DNAH11: variants seen among roughly 807,000 people sequenced by gnomAD.
DNAH11 encodes the protein dynein axonemal heavy chain 11.
In DNAH11, 442 loss-of-function variants were observed where a neutral mutation model predicts 526.0. That is an observed-to-expected ratio of 0.84 (90% CI 0.78 to 0.91). The LOEUF (loss-of-function observed/expected upper bound fraction) is 0.91, where lower values mean the gene tolerates loss of function less well. Among genes scored for constraint, DNAH11 ranks in the 40% least tolerant of loss-of-function variants. The pLI is 0.00. For synonymous variants in DNAH11, 2,461 were observed against 1,935.9 expected (o/e 1.27, Z -7.12); for missense variants, 6,989 against 5,448.7 (o/e 1.28, Z -8.90).
intron 9 of DNAH11, among the ~76,000 whole-genome samples, chr7:21,586,327 T>A (rs139604293): frequency 6.6e-6 from 1 of 152,338 alleles, no homozygotes; most frequent in Non-Finnish European, 1.5e-5. Flanking sequence ...CATAAGGCAA[T>A]GTTTACTTCA....
chr7:21,888,641 C>T (rs1784217883), intron 76 of DNAH11, among the ~76,000 whole-genome samples: 1 of 152,036 alleles, frequency 6.6e-6, no homozygotes, highest in Admixed American at 6.6e-5. Context: ...AGGCATGTGC[C>T]ACCACGCTGG....
chr7:21,611,024 G>C (rs182933331), intron 20 of DNAH11, among the ~76,000 whole-genome samples: 1 of 152,270 alleles, frequency 6.6e-6, no homozygotes, highest in East Asian at 1.9e-4. Context: ...TACAGAGCTG[G>C]TAAAACATTA....
intron 35 of DNAH11, among the ~76,000 whole-genome samples, chr7:21,695,335 C>T (rs56064183): frequency 0.14 from 21,268 of 152,040 alleles, 1,564 homozygotes; most frequent in East Asian, 0.21. Flanking sequence ...ACTACCTGAC[C>T]TCAAACTATG....
chr7:21,837,918 A>G (rs1445845671), intron 65 of DNAH11, among the ~76,000 whole-genome samples: 1 of 152,194 alleles, frequency 6.6e-6, no homozygotes, highest in Non-Finnish European at 1.5e-5. Context: ...CAATGTATAC[A>G]TGTATTGAAA....
intron 61 of DNAH11, among the ~76,000 whole-genome samples, chr7:21,795,689 C>T (rs1788679016): frequency 6.6e-6 from 1 of 152,240 alleles, no homozygotes; most frequent in African/African-American, 2.4e-5. Flanking sequence ...CTGGACTAGG[C>T]ACTGGAGTCA....
At position 21,658,887 on chromosome 7, in the gene DNAH11, A is replaced by T. The variant is rs1405874309; in HGVS notation, c.5184A>T (p.Lys1728Asn). ...ITEAIVAYEE[K>N]PRELWIFDFP... is the part of the protein sequence containing the mutation. ...AAGCCATAGTGGCCTACGAGGAAAA[A>T]CCTAGGGAACTGTGGATTTTTGATT... The change falls in exon 30 of 82, where the codon AAA becomes AAT. Residue 1728 changes from lysine (K) to asparagine (N), a missense_variant. Transcript: ENST00000409508. 6.2e-7 allele frequency: 1 copy of T among 1,609,516 alleles called. No homozygotes were observed. The highest frequency in any genetic ancestry group is 8.5e-7 in the Non-Finnish European group (1 of 1,178,026).
intron 55 of DNAH11, among the ~76,000 whole-genome samples, chr7:21,773,026 C>T (rs1362324071): frequency 6.6e-6 from 1 of 152,152 alleles, no homozygotes; most frequent in African/African-American, 2.4e-5. Flanking sequence ...GATTTGTAGG[C>T]TTCCCTTGAT....
intron 65 of DNAH11, among the ~76,000 whole-genome samples, chr7:21,836,067 A>G (rs1781984995): frequency 6.6e-6 from 1 of 152,144 alleles, no homozygotes; most frequent in Admixed American, 6.5e-5. Flanking sequence ...CCTTACAAAG[A>G]AAACTACAAA....
rs1394327426 is a variant in DNAH11, at chr7:21,899,417, C to A, written c.13131C>A (p.Ser4377=). 6.2e-7 allele frequency: 1 copy of A among 1,613,830 alleles called. No homozygotes were observed. The highest frequency in any genetic ancestry group is 8.5e-7 in the Non-Finnish European group (1 of 1,179,782). ...DLTLPAVVWL[S]GFFNPQSFLT... is the part of the protein sequence containing the mutation. The stretch of plus-strand genomic sequence containing the variant: ...CCCTTCCGGCTGTCGTGTGGCTCTC[C>A]GGCTTCTTCAACCCTCAGTCCTTCT... Residue 4377 remains serine, a synonymous_variant, in exon 80 of 82, where the codon TCC becomes TCA. Transcript: ENST00000409508.
chr7:21,755,335 C>G (rs950979240), intron 54 of DNAH11, among the ~76,000 whole-genome samples: 4 of 152,140 alleles, frequency 2.6e-5, no homozygotes, highest in Non-Finnish European at 4.4e-5. Context: ...TCTTGCAGCT[C>G]GAATATAGAA....
chr7:21,661,935 C>A (rs1782258179), intron 30 of DNAH11, among the ~76,000 whole-genome samples: 1 of 152,094 alleles, frequency 6.6e-6, no homozygotes, highest in East Asian at 1.9e-4. Flanking sequence ...TCTCCTGCCA[C>A]AGCCTCCTGA....
chr7:21,597,012 A>G (rs367698313), intron 14 of DNAH11, among the ~76,000 whole-genome samples: 16 of 152,340 alleles, frequency 1.1e-4, no homozygotes, highest in African/African-American at 3.4e-4. Context: ...AATATGGCCA[A>G]GGGTGAGTCA....
chr7:21,670,504 A>G (rs1265251051), intron 30 of DNAH11, among the ~76,000 whole-genome samples: 1 of 151,980 alleles, frequency 6.6e-6, no homozygotes, highest in Non-Finnish European at 1.5e-5. Context: ...CTTCTCTTCC[A>G]TTCTTTTTCT....
intron 73 of DNAH11, among the ~76,000 whole-genome samples, chr7:21,872,135 A>AAAAAAAAAAAAAAAAAAC (rs1783523285): frequency 7.3e-6 from 1 of 137,242 alleles, no homozygotes; most frequent in African/African-American, 2.9e-5. Context: ...AAAAAAAAAA[A>AAAAAAAAAAAAAAAAAAC]AAAAAAAAAA....
intron 25 of DNAH11, among the ~76,000 whole-genome samples, chr7:21,629,124 G>C (rs1232997065): frequency 6.6e-6 from 1 of 151,950 alleles, no homozygotes; most frequent in African/African-American, 2.4e-5. Context: ...ATTTGTTTCA[G>C]AAAATTTTTA....
In DNAH11 at chr7:21,765,486, C is replaced by G; in HGVS notation, c.8999C>G (p.Pro3000Arg). ...CTGAGAGTTAGAGCTCGGAAGTTCCCAGCCATAGTTAACTGCACGGCTATT... is the reference window on the plus strand; with the variant it reads ...CTGAGAGTTAGAGCTCGGAAGTTCCGAGCCATAGTTAACTGCACGGCTATT... ...RTLRVRARKF[P>R]AIVNCTAIDW... Residue 3000 changes from proline to arginine, a missense_variant, in exon 55 of 82, where the codon CCA (proline) becomes CGA (arginine). Pro to Arg is a moderately radical substitution (Grantham distance 103). Transcript: ENST00000409508. 6.2e-7 allele frequency: 1 copy of G among 1,613,882 alleles called. No individual in the cohort carries two copies. The highest frequency in any genetic ancestry group is 8.5e-7 in the Non-Finnish European group (1 of 1,179,844).
chr7:21,551,494 C>T (rs1038237833), intron 2 of DNAH11, among the ~76,000 whole-genome samples: 1 of 152,176 alleles, frequency 6.6e-6, no homozygotes, highest in African/African-American at 2.4e-5. Context: ...TGTACCACCC[C>T]ACAGGCATAT....
intron 7 of DNAH11, 27 bp downstream of exon 7, chr7:21,570,326 C>G (rs1464851381): frequency 3.8e-6 from 6 of 1,566,778 alleles, no homozygotes; most frequent in Admixed American, 1.9e-5. Flanking sequence ...TTTATTTATT[C>G]ATGTTGAAGG....
chr7:21,728,911 G>T (rs1258500971), intron 45 of DNAH11, among the ~76,000 whole-genome samples: 1 of 152,238 alleles, frequency 6.6e-6, no homozygotes, highest in Non-Finnish European at 1.5e-5. Context: ...CTGTACCGGG[G>T]CCCACTGGGA....
Sources: allele counts gnomAD v4.1 joint callset (sites outside exome capture counted in the v4.1 genomes callset), GRCh38; gene constraint gnomAD v4.1.1; transcripts MANE v1.5; gene names NCBI Gene and HGNC (gene_info 2026-07-23, HGNC 2026-07-21).